The following NLRC3 variants were observed in gnomAD, a reference collection of about 807,000 sequenced individuals.
NLRC3 encodes NLR family CARD domain containing 3.
Under a neutral mutation model 91.6 loss-of-function variants are expected in NLRC3, and 87 were observed. The observed-to-expected ratio is 0.95, with a 90% CI of 0.80 to 1.14. The LOEUF (loss-of-function observed/expected upper bound fraction) is 1.14. NLRC3 is among the 50% of genes most tolerant of loss of function. NLRC3 has a pLI of 0.00. For missense variants in NLRC3, 1,577 were observed against 1,418.6 expected, an observed-to-expected ratio of 1.11 and a Z score of -1.79; for synonymous variants, 694 against 625.3, an observed-to-expected ratio of 1.11 and a Z score of -1.64.
intron 11 of NLRC3, 98 bp from the exon 12 acceptor site, chr16:3,549,878 A>C (rs1400453993): frequency 2.7e-5 from 20 of 752,120 alleles, no homozygotes; most frequent in Non-Finnish European, 4.2e-5. Context: ...CTCAACAGGG[A>C]GTTGGGGGCT....
intron 9 of NLRC3, among the ~76,000 whole-genome samples, chr16:3,553,840 C>G (rs2039146447): frequency 6.6e-6 from 1 of 151,682 alleles, no homozygotes; most frequent in Non-Finnish European, 1.5e-5. Flanking sequence ...CTCCCAGGTT[C>G]AAGCGATTCT....
intron 8 of NLRC3, 115 bp downstream of exon 8, chr16:3,556,796 C>A: frequency 1.4e-6 from 1 of 724,522 alleles, no homozygotes. Flanking sequence ...AGCCACTGTG[C>A]CCGGCCCCAT....
In NLRC3 at chr16:3,548,188, A is replaced by G; in HGVS notation, c.2718T>C (p.Ala906=). 1.3e-6 allele frequency: 2 copies of G among 1,596,110 alleles called. No individual in the cohort carries two copies. Among genetic ancestry groups the G allele is most frequent in the South Asian group, 2.3e-5 (2 of 87,794 alleles). The part of the protein sequence containing the change: ...HLQWNFIQAG[A]AQALGQALQL... ...GTAGTGCTTGTCCCAGGGCCTGGGCAGCGCCGGCCTGGATGAAGTTCCACT... is the reference window on the plus strand; with the variant it reads ...GTAGTGCTTGTCCCAGGGCCTGGGCGGCGCCGGCCTGGATGAAGTTCCACT... Residue 906 remains alanine (A), a synonymous_variant, in exon 15 of 20, where the codon GCT becomes GCC. Coordinates refer to ENST00000359128, the MANE Select transcript of NLRC3 (RefSeq NM_178844.4).
intron 10 of NLRC3, 133 bp from the exon 11 acceptor site, chr16:3,550,630 G>A (rs1346915518): frequency 3.1e-6 from 2 of 655,288 alleles, no homozygotes; most frequent in Non-Finnish European, 5.5e-6. Context: ...TGCACAGTTT[G>A]TTCTGCCTGA....
rs1041719012 is a variant in NLRC3, at chr16:3,550,360, T to G, written c.2435+54A>C. On this transcript the variant is annotated intron_variant, in intron 11 of 19. Transcript: ENST00000359128. ...CCATTTTTCAGGACTGCCGGCCCACTATCTACTGGAAAGAGAACCCAGGGG... is the reference window on the plus strand; with the variant it reads ...CCATTTTTCAGGACTGCCGGCCCACGATCTACTGGAAAGAGAACCCAGGGG... 41 of 1,230,378 alleles carry G rather than the reference T, an allele frequency of 3.3e-5. No homozygotes were observed. The East Asian group carries it at 9.3e-4, about 28-fold the overall frequency. The allele number at this position is 1,230,378 out of a possible 1,614,324, so 76.2% of individuals were successfully genotyped here.
Position 3,563,980 on chromosome 16 carries a change from G to A in NLRC3, c.957C>T (p.Asp319=), listed in dbSNP as rs767531771. ...CGGTGCACATCAGGTACAGGGCCCTGTCAGCCTGCACTTGGCTCAGCATCC... is the reference window on the plus strand; with the variant it reads ...CGGTGCACATCAGGTACAGGGCCCTATCAGCCTGCACTTGGCTCAGCATCC... The part of the protein sequence containing the change: ...LGWMLSQVQA[D]RALYLMCTVP... The change falls in exon 5 of 20, where the codon GAC becomes GAT. Residue 319 remains aspartate, a synonymous_variant. Coordinates refer to ENST00000359128, the MANE Select transcript of NLRC3 (RefSeq NM_178844.4). 1.9e-6 allele frequency: 3 copies of A among 1,605,382 alleles called. No homozygotes were observed. The highest frequency in any genetic ancestry group is 1.1e-5 in the South Asian group (1 of 90,606).
chr16:3,567,874 CTT>C (rs201945750), intron 1 of NLRC3, among the ~76,000 whole-genome samples: 1 of 134,654 alleles, frequency 7.4e-6, no homozygotes. Context: ...TTCTTTCTTT[CTT>C]TTTTTTTTGA....
rs556205832 is a variant in NLRC3 at position 3,560,438 on chromosome 16, A to C, written c.2015+1264T>G. On this transcript the variant is annotated intron_variant, in intron 6 of 19. Transcript: ENST00000359128. ...ACTCCGTCTCAAAACAAAAAAAAAA[A>C]CAAAATTAGCCCTTGGGTTCTCTTC... Among the ~76,000 whole-genome samples the C allele has an allele frequency of 1.3e-3, 198 of 152,030 alleles. 1 individual carries two copies. Among genetic ancestry groups the C allele is most frequent in the Non-Finnish European group, 2.1e-3 (141 of 67,950 alleles).
chr16:3,555,923 A>AAAATAAATAAATAAAT (rs61481021), intron 8 of NLRC3: 35 of 137,536 alleles, frequency 2.5e-4, no homozygotes, highest in Admixed American at 9.0e-4. Context: ...CACCCTAATA[A>AAAATAAATAAATAAAT]AAATAAATAA....
At chr16:3,546,927 G>A (rs974701857) in intron 15 of NLRC3, among the ~76,000 whole-genome samples, 10 of 152,106 alleles carry the variant, frequency 6.6e-5, no homozygotes, top group African/African-American at 9.7e-5. Flanking sequence ...AGAGGACGAG[G>A]CCCAGACAGA....
At chr16:3,572,395 G>A (rs2040130556) in intron 1 of NLRC3, among the ~76,000 whole-genome samples, 1 of 151,900 alleles carries the variant, frequency 6.6e-6, no homozygotes, top group Non-Finnish European at 1.5e-5. Context: ...AACTTCCCTG[G>A]GCTCAAGTGA....
Position 3,542,736 on chromosome 16 carries a change from G to C in NLRC3, c.2979C>G (p.Ala993=). 2 of 1,610,722 alleles carry C rather than the reference G, an allele frequency of 1.2e-6. No individual in the cohort carries two copies. The highest frequency in any genetic ancestry group is 1.7e-6 in the Non-Finnish European group (2 of 1,178,572). ...AGTTTACCTTCAGAGCATTTGCCAG[G>C]GCTTTGGCTCCAGCCACCCCAATGG... is the stretch of plus-strand genomic sequence containing the variant. ...GNAIGVAGAK[A]LANALKVNSS... Residue 993 remains alanine (A), a synonymous_variant, in exon 18 of 20, where the codon GCC becomes GCG. Transcript: ENST00000359128.
intron 2 of NLRC3, among the ~76,000 whole-genome samples, chr16:3,566,455 G>A (rs2039887978): frequency 6.6e-6 from 1 of 152,164 alleles, no homozygotes; most frequent in African/African-American, 2.4e-5. Context: ...GCCGGGGAGG[G>A]TGGCTCGCGC....
At chr16:3,565,170 C>G in intron 3 of NLRC3, 110 bp from the exon 4 acceptor site, 2 of 849,014 alleles carry the variant, frequency 2.4e-6, no homozygotes, top group Non-Finnish European at 3.7e-6. Flanking sequence ...TTCCTCTTTC[C>G]TCAGCCTTTG....
In NLRC3 at chr16:3,564,382, G is replaced by A. The variant is rs762423192; in HGVS notation, c.555C>T (p.His185=). ...TGAGTCGGTCGGCACACAGCTTCTC[G>A]TGGGTGTTGAGATCCCGGAAGGTCA... ...LPLTFRDLNT[H]EKLCADRLIC... is the part of the protein sequence containing the mutation. The change falls in exon 5 of 20, where the codon CAC becomes CAT. Residue 185 remains histidine, a synonymous_variant. Coordinates refer to ENST00000359128, the MANE Select transcript of NLRC3 (RefSeq NM_178844.4). The surrounding 1 kb of genome is among the most constrained non-coding windows in gnomAD (Gnocchi z 5.9). The A allele has an allele frequency of 4.0e-5, 65 of 1,612,430 alleles. No homozygotes were observed. The highest frequency in any genetic ancestry group is 8.0e-5 in the African/African-American group (6 of 74,958).
chr16:3,575,451 G>A (rs1213101596), intron 1 of NLRC3, among the ~76,000 whole-genome samples: 2 of 152,204 alleles, frequency 1.3e-5, no homozygotes, highest in Non-Finnish European at 2.9e-5. Flanking sequence ...GGTGGGACTC[G>A]GGTTGCTTTG....
chr16:3,561,403 G>T (rs2039604705), intron 6 of NLRC3, among the ~76,000 whole-genome samples: 1 of 152,190 alleles, frequency 6.6e-6, no homozygotes, highest in African/African-American at 2.4e-5. Context: ...TTGGAGAGGT[G>T]CTTAGAGAAC....
At position 3,577,295 on chromosome 16, in the gene NLRC3, G is replaced by A. The variant is rs573952691; in HGVS notation, c.-315C>T. The stretch of plus-strand genomic sequence containing the variant: ...GTGCCAGCCTGAGTTCTCAGGACCA[G>A]GGATCAGGGCACTTACCACGCCAAC... On this transcript the variant is annotated 5_prime_UTR_variant, in exon 1 of 20. Transcript: ENST00000359128. 57 of 680,666 alleles carry A rather than the reference G, an allele frequency of 8.4e-5. No individual in the cohort carries two copies. In the African/African-American group the frequency reaches 8.9e-4, roughly 11 times the overall value. The allele number at this position is 680,666 out of a possible 1,614,324, so 42.2% of individuals were successfully genotyped here.
At chr16:3,549,330 G>T in intron 12 of NLRC3, 105 bp from the exon 13 acceptor site, 1 of 834,362 alleles carries the variant, frequency 1.2e-6, no homozygotes. Context: ...ACTGCAGGCG[G>T]GGGACCTAGA....
Sources: allele counts gnomAD v4.1 joint callset (sites outside exome capture counted in the v4.1 genomes callset), GRCh38; gene constraint gnomAD v4.1.1; non-coding constraint Gnocchi (gnomAD v3.1); transcripts MANE v1.5; gene names NCBI Gene and HGNC (gene_info 2026-07-23, HGNC 2026-07-21).